Variants in AUTS2 observed in about 807,000 individuals in gnomAD.
AUTS2 encodes the protein activator of transcription and developmental regulator AUTS2.
A neutral mutation model predicts 112.4 loss-of-function variants in AUTS2; 17 were observed. The observed-to-expected ratio is 0.15, with a 90% CI of 0.10 to 0.23. The LOEUF (loss-of-function observed/expected upper bound fraction) is 0.23. Ranked by LOEUF, AUTS2 falls within the 10% of genes least tolerant of loss-of-function variation. The probability of loss-of-function intolerance (pLI) is 1.00; values close to 1 mark genes in which losing one functional copy is unlikely to be tolerated. For missense variants in AUTS2, 1,510 were observed against 1,701.6 expected, an observed-to-expected ratio of 0.89 and a Z score of 1.98; for synonymous variants, 751 against 702.7, an observed-to-expected ratio of 1.07 and a Z score of -1.09.
chr7:69,935,097 A>C (rs1181753734), intron 2 of AUTS2, among the ~76,000 whole-genome samples: 2 of 152,132 alleles, frequency 1.3e-5, no homozygotes, highest in African/African-American at 4.8e-5. Context: ...ATATAAGCTC[A>C]CTTTCTCTGT....
chr7:70,710,724 C>G (rs948174237), intron 6 of AUTS2, among the ~76,000 whole-genome samples: 4 of 152,212 alleles, frequency 2.6e-5, no homozygotes, highest in Admixed American at 6.5e-5. Context: ...GAAAATTCCA[C>G]TTGTCTGGAC....
At chr7:70,342,392 AT>A (rs1289703853) in intron 4 of AUTS2, among the ~76,000 whole-genome samples, 2 of 150,240 alleles carry the variant, frequency 1.3e-5, no homozygotes, top group Non-Finnish European at 3.0e-5. Flanking sequence ...GTATGTGTGT[AT>A]TTATTATCAA....
intron 2 of AUTS2, among the ~76,000 whole-genome samples, chr7:70,015,804 T>C (rs1800001353): frequency 8.7e-6 from 1 of 115,550 alleles, no homozygotes; most frequent in Non-Finnish European, 1.8e-5. Context: ...AAATATTCAC[T>C]TTTTTTTTTT....
chr7:70,217,776 C>G (rs1377043312), intron 4 of AUTS2, among the ~76,000 whole-genome samples: 1 of 152,198 alleles, frequency 6.6e-6, no homozygotes, highest in Non-Finnish European at 1.5e-5. Flanking sequence ...CAGGTTGCAG[C>G]TTCGCTAGTG....
intron 6 of AUTS2, among the ~76,000 whole-genome samples, chr7:70,708,917 CTTTT>C (rs34290500): frequency 7.4e-5 from 10 of 134,626 alleles, no homozygotes; most frequent in Admixed American, 1.5e-4. Context: ...TGTTTAAATA[CTTTT>C]TTTTTTTTTT....
chr7:70,423,040 A>C (rs1795291439), intron 4 of AUTS2, among the ~76,000 whole-genome samples: 1 of 152,196 alleles, frequency 6.6e-6, no homozygotes, highest in African/African-American at 2.4e-5. Context: ...GAAACTAGCC[A>C]ACAGTGTTGG....
At chr7:70,409,032 A>G (rs1265165810) in intron 4 of AUTS2, among the ~76,000 whole-genome samples, 2 of 152,206 alleles carry the variant, frequency 1.3e-5, no homozygotes, top group African/African-American at 4.8e-5. Context: ...TTCAACTGGC[A>G]CGTCACATGA....
chr7:70,210,249 A>C (rs1036050986), intron 4 of AUTS2, among the ~76,000 whole-genome samples: 7 of 152,328 alleles, frequency 4.6e-5, no homozygotes, highest in Middle Eastern at 3.4e-3. Flanking sequence ...TTCTAAAATG[A>C]AAGCATTTTC....
chr7:70,668,223 C>T (rs2129543675), intron 5 of AUTS2, among the ~76,000 whole-genome samples: 1 of 152,372 alleles, frequency 6.6e-6, no homozygotes, highest in East Asian at 1.9e-4. Context: ...AGATGATCTG[C>T]CTGCGTCAGC....
intron 1 of AUTS2, among the ~76,000 whole-genome samples, chr7:69,795,244 G>T (rs1255624950): frequency 6.6e-6 from 1 of 152,172 alleles, no homozygotes; most frequent in African/African-American, 2.4e-5. Flanking sequence ...CTAGTTTTGT[G>T]ACCTTAGAAT....
chr7:70,747,731 C>T (rs1563168975), intron 6 of AUTS2, among the ~76,000 whole-genome samples: 2 of 152,166 alleles, frequency 1.3e-5, no homozygotes, highest in African/African-American at 4.8e-5. Context: ...GGTGATCCGC[C>T]CGCCTCAGCC....
At chr7:70,099,995 C>G (rs999367443) in intron 2 of AUTS2, among the ~76,000 whole-genome samples, 2 of 151,744 alleles carry the variant, frequency 1.3e-5, no homozygotes, top group African/African-American at 4.8e-5. Context: ...GGGTAGAGAA[C>G]AGCAGTAAAA....
At chr7:70,176,234 T>G (rs1688069264) in intron 4 of AUTS2, among the ~76,000 whole-genome samples, 1 of 152,184 alleles carries the variant, frequency 6.6e-6, no homozygotes, top group African/African-American at 2.4e-5. Flanking sequence ...ATGTAGGAAT[T>G]CATAGTACGT....
At chr7:69,846,208 A>G (rs569244002) in intron 1 of AUTS2, among the ~76,000 whole-genome samples, 3 of 152,192 alleles carry the variant, frequency 2.0e-5, no homozygotes, top group Admixed American at 1.3e-4. Context: ...CTGAGAGTGT[A>G]CAGAAAAAAA....
At chr7:70,363,465 G>GA (rs369462886) in intron 4 of AUTS2, among the ~76,000 whole-genome samples, 16,746 of 110,818 alleles carry the variant, frequency 0.15, 1,300 homozygotes, top group African/African-American at 0.28. Context: ...ATAAAAAAAA[G>GA]AAAAAAAAAA....
chr7:70,610,296 A>G (rs1804019655), intron 5 of AUTS2, among the ~76,000 whole-genome samples: 1 of 151,662 alleles, frequency 6.6e-6, no homozygotes, highest in African/African-American at 2.4e-5. Flanking sequence ...ACCACACCCA[A>G]CCCATATTTT....
At chr7:70,106,372 G>GCT (rs1290384408) in intron 2 of AUTS2, among the ~76,000 whole-genome samples, 2 of 152,126 alleles carry the variant, frequency 1.3e-5, no homozygotes, top group Non-Finnish European at 2.9e-5. Context: ...ACACCCCCTT[G>GCT]CTAACTGGAC....
chr7:69,972,116 G>T (rs1197050226), intron 2 of AUTS2, among the ~76,000 whole-genome samples: 1 of 152,096 alleles, frequency 6.6e-6, no homozygotes, highest in African/African-American at 2.4e-5. Flanking sequence ...GGTGTTTCTG[G>T]TTTTTTATTT....
chr7:70,588,697 G>C (rs374129360), intron 5 of AUTS2, among the ~76,000 whole-genome samples: 31 of 152,134 alleles, frequency 2.0e-4, no homozygotes, highest in African/African-American at 7.2e-4. Context: ...ACTTGTAGCC[G>C]TTTTTAAACT....
Sources: allele counts gnomAD v4.1 joint callset (sites outside exome capture counted in the v4.1 genomes callset), GRCh38; gene constraint gnomAD v4.1.1; transcripts MANE v1.5; gene names NCBI Gene and HGNC (gene_info 2026-07-23, HGNC 2026-07-21).